The following SUMO4 variants were observed in gnomAD, a reference collection of about 807,000 sequenced individuals.
The protein encoded by SUMO4 is small ubiquitin-related modifier 4.
In SUMO4, 6 loss-of-function variants were observed where a neutral mutation model predicts 7.7. The ratio of observed to expected loss-of-function variants is 0.78; its 90% CI spans 0.43 to 1.53. SUMO4 has a LOEUF of 1.53. SUMO4 is among the 40% of genes most tolerant of loss of function. The probability of loss-of-function intolerance (pLI) is 0.01; values close to 1 mark genes in which losing one functional copy is unlikely to be tolerated. For synonymous variants in SUMO4, 43 were observed against 41.2 expected (o/e 1.04, Z -0.17); for missense variants, 113 against 113.6 (o/e 0.99, Z 0.03).
chr6:149,400,286 C>G lies in SUMO4; in HGVS notation c.-106C>G. 7.8e-7 allele frequency: 1 copy of G among 1,279,382 alleles called. No individual in the cohort carries two copies. The highest frequency in any genetic ancestry group is 1.1e-6 in the Non-Finnish European group (1 of 927,826). The allele number at this position is 1,279,382 out of a possible 1,614,324, so 79.3% of individuals were successfully genotyped here. A position where few individuals can be genotyped will look rare whatever the true frequency, so the allele number is the denominator to read the frequency against. On this transcript the variant is annotated 5_prime_UTR_variant, in exon 1 of 1. Coordinates refer to ENST00000326669, the MANE Select transcript of SUMO4 (RefSeq NM_001002255.2). The stretch of plus-strand genomic sequence containing the variant: ...ATGTGCACGCACCCTCTCCCTCATC[C>G]ACCGCTGTCACCTCCTGCTGCTCTT...
rs1010019502 is a variant in SUMO4 at position 149,400,939 on chromosome 6, A to G, written c.*260A>G. 4.6e-6 allele frequency: 2 copies of G among 438,750 alleles called. No homozygotes were observed. The highest frequency in any genetic ancestry group is 4.0e-5 in the African/African-American group (2 of 49,438). 27.2% of individuals were successfully genotyped at this position (438,750 alleles called of 1,614,324 possible). ...TGACATCAAGTGGAGACAGGATGGG[A>G]AAAAATACTGATTCTGTGAAAATAC... is the stretch of plus-strand genomic sequence containing the variant. On this transcript the variant is annotated 3_prime_UTR_variant, in exon 1 of 1. Transcript: ENST00000326669.
Position 149,400,602 on chromosome 6 carries a change from G to A in SUMO4, c.211G>A (p.Asp71Asn). The stretch of plus-strand genomic sequence containing the variant: ...TGGTGGGCAACCAATCAGTGGAACA[G>A]ACAAACCTGCACAGTTGGAAATGGA... ...RFGGQPISGT[D>N]KPAQLEMEDE... Residue 71 changes from aspartate (D) to asparagine (N), a missense_variant, in exon 1 of 1, where the codon GAC (aspartate) becomes AAC (asparagine). Asp to Asn is a conservative substitution (Grantham distance 23). Transcript: ENST00000326669. The A allele has an allele frequency of 2.5e-6, 4 of 1,614,230 alleles. No homozygotes were observed. Among genetic ancestry groups the A allele is most frequent in the Non-Finnish European group, 3.4e-6 (4 of 1,180,042 alleles).
In SUMO4 at chr6:149,400,435, A is replaced by G. The variant is rs147083506; in HGVS notation, c.44A>G (p.Asn15Ser). The G allele has an allele frequency of 1.4e-5, 23 of 1,614,246 alleles. No individual in the cohort carries two copies. Among genetic ancestry groups the G allele is most frequent in the Middle Eastern group, 1.6e-4 (1 of 6,062 alleles). Residue 15 changes from asparagine (N) to serine (S), a missense_variant, in exon 1 of 1, where the codon AAC (asparagine) becomes AGC (serine). Transcript: ENST00000326669. ...ACAGAAGAAGTCAAGACTGAGAACAACAATCATATTAATTTGAAGGTGGCG... is the reference window on the plus strand; with the variant it reads ...ACAGAAGAAGTCAAGACTGAGAACAGCAATCATATTAATTTGAAGGTGGCG... ...KPTEEVKTEN[N>S]NHINLKVAGQ...
rs1374363457 is a variant in SUMO4 at position 149,400,688 on chromosome 6, C to T, written c.*9C>T. The T allele has an allele frequency of 5.0e-6, 8 of 1,612,342 alleles. No individual in the cohort carries two copies. The highest frequency in any genetic ancestry group is 5.9e-6 in the Non-Finnish European group (7 of 1,179,210). Reference sequence around the variant, plus strand: ...CGGGAGGTGTCTACTGAAAAGGGAACCTGCTTCTTTACTCCAGAACGCTGT... The same window carrying T: ...CGGGAGGTGTCTACTGAAAAGGGAATCTGCTTCTTTACTCCAGAACGCTGT... On this transcript the variant is annotated 3_prime_UTR_variant, in exon 1 of 1. Transcript: ENST00000326669.
At position 149,400,816 on chromosome 6, in the gene SUMO4, C is replaced by T; in HGVS notation, c.*137C>T. ...TAGTTTTCTCTATTCTTTTGTTTCC[C>T]CCTTCCACATTCTTTTATTATACAT... On this transcript the variant is annotated 3_prime_UTR_variant, in exon 1 of 1. Coordinates refer to ENST00000326669, the MANE Select transcript of SUMO4 (RefSeq NM_001002255.2). 2.0e-6 allele frequency: 2 copies of T among 984,874 alleles called. No individual in the cohort carries two copies. The highest frequency in any genetic ancestry group is 1.6e-5 in the African/African-American group (1 of 60,934). 61.0% of individuals were successfully genotyped at this position (984,874 alleles called of 1,614,324 possible). A position where few individuals can be genotyped will look rare whatever the true frequency, so the allele number is the denominator to read the frequency against.
At position 149,400,344 on chromosome 6, in the gene SUMO4, C is replaced by T. The variant is rs755752008; in HGVS notation, c.-48C>T. On this transcript the variant is annotated 5_prime_UTR_variant, in exon 1 of 1. Transcript: ENST00000326669. ...CTCGTGTACTCGTTAGGTGCGGACCCGCCACCTCTTTTGTGAAGCAGCAGC... is the reference window on the plus strand; with the variant it reads ...CTCGTGTACTCGTTAGGTGCGGACCTGCCACCTCTTTTGTGAAGCAGCAGC... 6.9e-6 allele frequency: 11 copies of T among 1,592,124 alleles called. No homozygotes were observed. Among genetic ancestry groups the T allele is most frequent in the East Asian group, 4.5e-5 (2 of 44,812 alleles).
In SUMO4 at chr6:149,400,443, A is replaced by G; in HGVS notation, c.52A>G (p.Ile18Val). 5.0e-6 allele frequency: 8 copies of G among 1,614,252 alleles called. No homozygotes were observed. The highest frequency in any genetic ancestry group is 6.8e-6 in the Non-Finnish European group (8 of 1,180,044). ...EEVKTENNNH[I>V]NLKVAGQDGS... ...AGTCAAGACTGAGAACAACAATCAT[A>G]TTAATTTGAAGGTGGCGGGACAGGA... The change falls in exon 1 of 1, where the codon ATT becomes GTT. Residue 18 changes from isoleucine to valine, a missense_variant. Coordinates refer to ENST00000326669, the MANE Select transcript of SUMO4 (RefSeq NM_001002255.2).
In SUMO4 at chr6:149,400,297, C is replaced by T. The variant is rs1583160866; in HGVS notation, c.-95C>T. 1.4e-6 allele frequency: 2 copies of T among 1,402,654 alleles called. No individual in the cohort carries two copies. Among genetic ancestry groups the T allele is most frequent in the Non-Finnish European group, 1.9e-6 (2 of 1,029,014 alleles). 86.9% of individuals were successfully genotyped at this position (1,402,654 alleles called of 1,614,324 possible). A position where few individuals can be genotyped will look rare whatever the true frequency, so the allele number is the denominator to read the frequency against. On this transcript the variant is annotated 5_prime_UTR_variant, in exon 1 of 1. Coordinates refer to ENST00000326669, the MANE Select transcript of SUMO4 (RefSeq NM_001002255.2). Reference sequence around the variant, plus strand: ...CCCTCTCCCTCATCCACCGCTGTCACCTCCTGCTGCTCTTCCTGCTGCTCG... The same window carrying T: ...CCCTCTCCCTCATCCACCGCTGTCATCTCCTGCTGCTCTTCCTGCTGCTCG...
chr6:149,400,991 A>G lies in SUMO4; in HGVS notation c.*312A>G, dbSNP rs976373638. On this transcript the variant is annotated 3_prime_UTR_variant, in exon 1 of 1. Transcript: ENST00000326669. Reference sequence around the variant, plus strand: ...CCCTTTATCCATTAGTGGCATGTTCATTCAGGTCTTATCTTTATATTCTAG... The same window carrying G: ...CCCTTTATCCATTAGTGGCATGTTCGTTCAGGTCTTATCTTTATATTCTAG... The G allele has an allele frequency of 1.0e-5, 3 of 299,542 alleles. No homozygotes were observed. Among genetic ancestry groups the G allele is most frequent in the Middle Eastern group, 9.7e-4 (1 of 1,026 alleles). 18.6% of individuals were successfully genotyped at this position (299,542 alleles called of 1,614,324 possible).
rs748012365 is a variant in SUMO4 at position 149,400,353 on chromosome 6, T to C, written c.-39T>C. 1 of 1,603,006 alleles carries C rather than the reference T, an allele frequency of 6.2e-7. No homozygotes were observed. The highest frequency in any genetic ancestry group is 1.1e-5 in the South Asian group (1 of 89,396). ...TCGTTAGGTGCGGACCCGCCACCTC[T>C]TTTGTGAAGCAGCAGCTGAGGAGAC... On this transcript the variant is annotated 5_prime_UTR_variant, in exon 1 of 1. Transcript: ENST00000326669.
rs1180972119 is a variant in SUMO4 at position 149,400,390 on chromosome 6, C to T, written c.-2C>T. On this transcript the variant is annotated 5_prime_UTR_variant, in exon 1 of 1. Coordinates refer to ENST00000326669, the MANE Select transcript of SUMO4 (RefSeq NM_001002255.2). ...GCAGCTGAGGAGACTCCGGTGTTCACCATGGCCAACGAAAAGCCCACAGAA... is the reference window on the plus strand; with the variant it reads ...GCAGCTGAGGAGACTCCGGTGTTCATCATGGCCAACGAAAAGCCCACAGAA... The T allele has an allele frequency of 6.2e-7, 1 of 1,613,800 alleles. No homozygotes were observed. The highest frequency in any genetic ancestry group is 1.7e-5 in the Admixed American group (1 of 60,026).
At position 149,400,482 on chromosome 6, in the gene SUMO4, C is replaced by T; in HGVS notation, c.91C>T (p.Gln31Ter). ...KVAGQDGSVV[Q>*]FKIKRQTPLS... ...GGCGGGACAGGATGGTTCTGTGGTG[C>T]AGTTTAAGATTAAGAGGCAGACACC... The change falls in exon 1 of 1, where the codon CAG becomes TAG. Residue 31 changes from glutamine to a stop codon, truncating the protein, a stop_gained. Coordinates refer to ENST00000326669, the MANE Select transcript of SUMO4 (RefSeq NM_001002255.2). LOFTEE classifies it high-confidence loss of function. The T allele has an allele frequency of 1.9e-6, 3 of 1,614,202 alleles. No homozygotes were observed. Among genetic ancestry groups the T allele is most frequent in the Non-Finnish European group, 2.5e-6 (3 of 1,180,028 alleles).
At position 149,400,737 on chromosome 6, in the gene SUMO4, A is replaced by G. The variant is rs1195646518; in HGVS notation, c.*58A>G. 3.2e-6 allele frequency: 5 copies of G among 1,559,230 alleles called. No homozygotes were observed. The East Asian group carries it at 6.7e-5, about 21-fold the overall frequency. On this transcript the variant is annotated 3_prime_UTR_variant, in exon 1 of 1. Transcript: ENST00000326669. The stretch of plus-strand genomic sequence containing the variant: ...GTTCTTTAAAGACCAAGATTACTGC[A>G]TTCTCAATTAGAAAACTGCAATTTG...
In SUMO4 at chr6:149,400,612, C is replaced by A; in HGVS notation, c.221C>A (p.Ala74Glu). ...CCAATCAGTGGAACAGACAAACCTGCACAGTTGGAAATGGAAGATGAAGAT... is the reference window on the plus strand; with the variant it reads ...CCAATCAGTGGAACAGACAAACCTGAACAGTTGGAAATGGAAGATGAAGAT... Reference protein sequence around the residue: ...GQPISGTDKPAQLEMEDEDTI... With the variant: ...GQPISGTDKPEQLEMEDEDTI... Residue 74 changes from alanine to glutamate, a missense_variant, in exon 1 of 1, where the codon GCA becomes GAA. Ala to Glu is a moderately radical substitution (Grantham distance 107, BLOSUM62 -1). Coordinates refer to ENST00000326669, the MANE Select transcript of SUMO4 (RefSeq NM_001002255.2). 6.2e-7 allele frequency: 1 copy of A among 1,614,188 alleles called. No homozygotes were observed. The highest frequency in any genetic ancestry group is 8.5e-7 in the Non-Finnish European group (1 of 1,180,034).
At position 149,400,582 on chromosome 6, in the gene SUMO4, G is replaced by A; in HGVS notation, c.191G>A (p.Gly64Glu). The A allele has an allele frequency of 6.2e-7, 1 of 1,614,192 alleles. No homozygotes were observed. Among genetic ancestry groups the A allele is most frequent in the South Asian group, 1.1e-5 (1 of 91,082 alleles). The change falls in exon 1 of 1, where the codon GGG becomes GAG. Residue 64 changes from glycine to glutamate, a missense_variant. By Grantham distance (98) the Gly-to-Glu change is moderately conservative. Transcript: ENST00000326669. ...AAGCAGATCAGATTCCGATTTGGTGGGCAACCAATCAGTGGAACAGACAAA... is the reference window on the plus strand; with the variant it reads ...AAGCAGATCAGATTCCGATTTGGTGAGCAACCAATCAGTGGAACAGACAAA... ...SVKQIRFRFG[G>E]QPISGTDKPA...
At position 149,401,219 on chromosome 6, in the gene SUMO4, A is replaced by G. The variant is rs1562454802; in HGVS notation, c.*540A>G. On this transcript the variant is annotated 3_prime_UTR_variant, in exon 1 of 1. Transcript: ENST00000326669. ...CTCTAAAAAAAAAAGAAAGAATCCT[A>G]GAAAGTTTTTCCTTCAAGTCAGGCT... The G allele has an allele frequency of 6.0e-6, 1 of 167,050 alleles. No individual in the cohort carries two copies. Among genetic ancestry groups the G allele is most frequent in the East Asian group, 1.9e-4 (1 of 5,208 alleles). 10.3% of individuals were successfully genotyped at this position (167,050 alleles called of 1,614,324 possible).
Position 149,400,462 on chromosome 6 carries a change from G to T in SUMO4, c.71G>T (p.Gly24Val), listed in dbSNP as rs1252136106. ...AATCATATTAATTTGAAGGTGGCGGGACAGGATGGTTCTGTGGTGCAGTTT... is the reference window on the plus strand; with the variant it reads ...AATCATATTAATTTGAAGGTGGCGGTACAGGATGGTTCTGTGGTGCAGTTT... ...NNNHINLKVA[G>V]QDGSVVQFKI... Residue 24 changes from glycine (G) to valine (V), a missense_variant, in exon 1 of 1, where the codon GGA becomes GTA. Physicochemically the swap from Gly to Val is moderately radical, Grantham distance 109. Coordinates refer to ENST00000326669, the MANE Select transcript of SUMO4 (RefSeq NM_001002255.2). 1.2e-6 allele frequency: 2 copies of T among 1,614,122 alleles called. No individual in the cohort carries two copies. Among genetic ancestry groups the T allele is most frequent in the Admixed American group, 1.7e-5 (1 of 60,014 alleles).
At position 149,400,493 on chromosome 6, in the gene SUMO4, T is replaced by G. The variant is rs763159281; in HGVS notation, c.102T>G (p.Ile34Met). 17 of 1,614,070 alleles carry G rather than the reference T, an allele frequency of 1.1e-5. No individual in the cohort carries two copies. In the Admixed American group the frequency reaches 1.2e-4, roughly 11 times the overall value. ...ATGGTTCTGTGGTGCAGTTTAAGAT[T>G]AAGAGGCAGACACCACTTAGTAAAC... The part of the protein sequence containing the change: ...GQDGSVVQFK[I>M]KRQTPLSKLM... Residue 34 changes from isoleucine to methionine, a missense_variant, in exon 1 of 1, where the codon ATT becomes ATG. Ile to Met is a conservative substitution (Grantham distance 10). Coordinates refer to ENST00000326669, the MANE Select transcript of SUMO4 (RefSeq NM_001002255.2).
chr6:149,400,935 T>TG lies in SUMO4; in HGVS notation c.*259dup. Reference sequence around the variant, plus strand: ...TGATTGACATCAAGTGGAGACAGGATGGGAAAAAATACTGATTCTGTGAAA... The same window carrying TG: ...TGATTGACATCAAGTGGAGACAGGATGGGGAAAAAATACTGATTCTGTGAAA... On this transcript the variant is annotated 3_prime_UTR_variant, in exon 1 of 1. Coordinates refer to ENST00000326669, the MANE Select transcript of SUMO4 (RefSeq NM_001002255.2). The TG allele has an allele frequency of 2.2e-6, 1 of 451,990 alleles. No individual in the cohort carries two copies. Among genetic ancestry groups the TG allele is most frequent in the Non-Finnish European group, 4.0e-6 (1 of 249,496 alleles). 28.0% of individuals were successfully genotyped at this position (451,990 alleles called of 1,614,324 possible).
Sources: allele counts gnomAD v4.1 joint callset, GRCh38; gene constraint gnomAD v4.1.1; transcripts MANE v1.5; gene names NCBI Gene and HGNC (gene_info 2026-07-23, HGNC 2026-07-21).